PCDHGB1: variants seen among roughly 807,000 people sequenced by gnomAD.
PCDHGB1 encodes the protein protocadherin gamma-B1.
Under a neutral mutation model 56.6 loss-of-function variants are expected in PCDHGB1, and 34 were observed. The ratio of observed to expected loss-of-function variants is 0.60; its 90% CI spans 0.46 to 0.80. The LOEUF is 0.80. Among genes scored for constraint, PCDHGB1 ranks in the 30% least tolerant of loss-of-function variants. The pLI is 0.00. For synonymous variants in PCDHGB1, 561 were observed against 505.9 expected, an observed-to-expected ratio of 1.11 and a Z score of -1.46; for missense variants, 1,278 against 1,204.6, an observed-to-expected ratio of 1.06 and a Z score of -0.90.
At chr5:141,422,597 C>T in intron 1 of PCDHGB1, 1 of 1,614,102 alleles carries the variant, frequency 6.2e-7, no homozygotes, top group Non-Finnish European at 8.5e-7. Context: ...CCTCACTCCT[C>T]TTACTCTGCC....
chr5:141,419,830 T>G, intron 1 of PCDHGB1: 1 of 1,614,052 alleles, frequency 6.2e-7, no homozygotes, highest in African/African-American at 1.3e-5. Context: ...TTTCAGCCAC[T>G]GCCACGCTGC....
At chr5:141,355,419 G>A in intron 1 of PCDHGB1, 1 of 1,614,042 alleles carries the variant, frequency 6.2e-7, no homozygotes, top group South Asian at 1.1e-5. Flanking sequence ...GTAGGACGCA[G>A]CTTTTCGCCC....
rs772807357 is a variant in PCDHGB1, at chr5:141,431,758, C to G, written c.2410-63049C>G. On this transcript the variant is annotated intron_variant, in intron 1 of 3. Transcript: ENST00000523390. This position sits in a 1 kb window ranked among gnomAD's most constrained non-coding sequence, Gnocchi z 4.8. ...CAGGATATTCTGCGCGAGCCAAAGTCCTGATCACTGTTCTGGACGTGAACG... is the reference window on the plus strand; with the variant it reads ...CAGGATATTCTGCGCGAGCCAAAGTGCTGATCACTGTTCTGGACGTGAACG... 2.0e-5 allele frequency: 32 copies of G among 1,614,054 alleles called. No individual in the cohort carries two copies. The highest frequency in any genetic ancestry group is 2.6e-5 in the Non-Finnish European group (31 of 1,180,028).
At chr5:141,405,104 C>T in intron 1 of PCDHGB1, 1 of 1,613,940 alleles carries the variant, frequency 6.2e-7, no homozygotes, top group Non-Finnish European at 8.5e-7. Flanking sequence ...CAGGCTGAGG[C>T]ACTGGCACTC....
chr5:141,390,340 A>T (rs762864171), intron 1 of PCDHGB1: 2 of 1,586,842 alleles, frequency 1.3e-6, no homozygotes, highest in South Asian at 2.3e-5. Context: ...CCATATTCAC[A>T]AGAAAATATA....
chr5:141,355,466 G>A (rs1561508995), intron 1 of PCDHGB1: 1 of 1,614,094 alleles, frequency 6.2e-7, no homozygotes, highest in Non-Finnish European at 8.5e-7. Context: ...ACCGCGGGTA[G>A]GATAGACAGG....
In PCDHGB1 at chr5:141,489,684, T is replaced by A; in HGVS notation, c.2410-5123T>A. 1 of 1,614,180 alleles carries A rather than the reference T, an allele frequency of 6.2e-7. No homozygotes were observed. Among genetic ancestry groups the A allele is most frequent in the South Asian group, 1.1e-5 (1 of 91,078 alleles). ...TGCGCATCTCAGAATCAGCAGCATC[T>A]GGGGCACGATTCCCACTGGACAGTG... On this transcript the variant is annotated intron_variant, in intron 1 of 3. Transcript: ENST00000523390. This position sits in a 1 kb window ranked among gnomAD's most constrained non-coding sequence, Gnocchi z 4.5.
At chr5:141,463,460 T>TA (rs1554144871) in intron 1 of PCDHGB1, among the ~76,000 whole-genome samples, 2 of 136,122 alleles carry the variant, frequency 1.5e-5, no homozygotes, top group Non-Finnish European at 3.1e-5. Context: ...TTTTTTTTTT[T>TA]TTTTTTGAGA....
chr5:141,398,017 A>AAACTGG (rs1270977201), intron 1 of PCDHGB1: 25 of 1,422,582 alleles, frequency 1.8e-5, no homozygotes, highest in Non-Finnish European at 2.2e-5. Context: ...ATCGTTTCCT[A>AAACTGG]AACTGGAACT....
At chr5:141,419,034 T>C in intron 1 of PCDHGB1, 1 of 1,613,902 alleles carries the variant, frequency 6.2e-7, no homozygotes, top group Non-Finnish European at 8.5e-7. Flanking sequence ...GGTGTTCCAT[T>C]TAAGATTCAT....
At chr5:141,483,082 C>T (rs2099576709) in intron 1 of PCDHGB1, among the ~76,000 whole-genome samples, 1 of 151,662 alleles carries the variant, frequency 6.6e-6, no homozygotes, top group African/African-American at 2.4e-5. Flanking sequence ...GAGACTCCAT[C>T]TCAAAAAAAA....
Position 141,371,593 on chromosome 5 carries a change from A to C in PCDHGB1, c.2409+18924A>C, listed in dbSNP as rs758082937. The C allele has an allele frequency of 1.2e-6, 2 of 1,613,972 alleles. No individual in the cohort carries two copies. The highest frequency in any genetic ancestry group is 1.7e-6 in the Non-Finnish European group (2 of 1,179,876). The stretch of plus-strand genomic sequence containing the variant: ...TTTAAAATCGTTCAAGATACCAAAA[A>C]CACATACAGGTTGGTGACAGATGGA... On this transcript the variant is annotated intron_variant, in intron 1 of 3. Coordinates refer to ENST00000523390, the MANE Select transcript of PCDHGB1 (RefSeq NM_018922.3).
intron 1 of PCDHGB1, among the ~76,000 whole-genome samples, chr5:141,357,882 C>T (rs1001848409): frequency 1.3e-5 from 2 of 152,162 alleles, no homozygotes; most frequent in African/African-American, 2.4e-5. Flanking sequence ...TCTGAGCCAC[C>T]TCATTTCCTT....
At chr5:141,361,471 A>C (rs748732304) in intron 1 of PCDHGB1, 2 of 1,613,988 alleles carry the variant, frequency 1.2e-6, no homozygotes, top group South Asian at 2.2e-5. Flanking sequence ...CTCCGACGTC[A>C]ACGATAATGC....
chr5:141,372,307 C>T, intron 1 of PCDHGB1: 3 of 1,613,452 alleles, frequency 1.9e-6, no homozygotes, highest in Non-Finnish European at 2.5e-6. Context: ...AGGGAGGCCG[C>T]CCGCCAGCGC....
chr5:141,413,224 C>G, intron 1 of PCDHGB1: 1 of 1,613,790 alleles, frequency 6.2e-7, no homozygotes, highest in Non-Finnish European at 8.5e-7. Context: ...TTGCAGCGGG[C>G]TGGTCCTGCT....
At chr5:141,384,798 G>A in intron 1 of PCDHGB1, 3 of 1,613,448 alleles carry the variant, frequency 1.9e-6, no homozygotes, top group Non-Finnish European at 2.5e-6. Flanking sequence ...GGGCCCTGCT[G>A]GACAGAGATG....
At chr5:141,418,305 G>T in intron 1 of PCDHGB1, 1 of 1,614,026 alleles carries the variant, frequency 6.2e-7, no homozygotes, top group South Asian at 1.1e-5. Context: ...GTCAGCCTGG[G>T]GATGGGAACA....
Position 141,432,298 on chromosome 5 carries a change from A to T in PCDHGB1, c.2410-62509A>T. Reference sequence around the variant, plus strand: ...TGTCCATCAACTCCGACACTGGGGTACTGTATGCGCTGAGCTCCTTCGACT... The same window carrying T: ...TGTCCATCAACTCCGACACTGGGGTTCTGTATGCGCTGAGCTCCTTCGACT... On this transcript the variant is annotated intron_variant, in intron 1 of 3. Transcript: ENST00000523390. The surrounding 1 kb of genome is among the most constrained non-coding windows in gnomAD (Gnocchi z 6.0). The T allele has an allele frequency of 6.2e-7, 1 of 1,614,236 alleles. No homozygotes were observed. Among genetic ancestry groups the T allele is most frequent in the Non-Finnish European group, 8.5e-7 (1 of 1,180,036 alleles).
Sources: gnomAD v4.1 joint callset for allele counts (sites outside exome capture counted in the v4.1 genomes callset) on GRCh38, gnomAD v4.1.1 for gene constraint, Gnocchi (gnomAD v3.1) non-coding constraint, MANE v1.5 for transcripts, NCBI Gene and HGNC (gene_info 2026-07-23, HGNC 2026-07-21) for gene names.